Variants in CNGB3 observed in about 807,000 individuals in gnomAD.
The protein encoded by CNGB3 is cyclic nucleotide-gated channel beta-3.
Under a neutral mutation model 92.8 loss-of-function variants are expected in CNGB3, and 86 were observed. That is an observed-to-expected ratio of 0.93 (90% CI 0.78 to 1.11). The LOEUF is 1.11. Ranked by LOEUF, CNGB3 falls within the 50% of genes least tolerant of loss-of-function variation. The pLI is 0.00. For missense variants in CNGB3, 1,026 were observed against 956.8 expected (o/e 1.07, Z -0.95); for synonymous variants, 333 against 332.7 (o/e 1.00, Z -0.01).
chr8:86,592,312 A>G (rs1197402978), intron 15 of CNGB3, among the ~76,000 whole-genome samples: 2 of 152,218 alleles, frequency 1.3e-5, no homozygotes, highest in Non-Finnish European at 2.9e-5. Flanking sequence ...TGCGTCGCTC[A>G]GGCTGGGAGC....
At chr8:86,622,003 G>T (rs927456839) in intron 13 of CNGB3, among the ~76,000 whole-genome samples, 2 of 152,160 alleles carry the variant, frequency 1.3e-5, no homozygotes. Context: ...CCGAGATTGT[G>T]CCACTGCACT....
chr8:86,627,988 C>T (rs1247087006), intron 12 of CNGB3, among the ~76,000 whole-genome samples: 2 of 152,156 alleles, frequency 1.3e-5, no homozygotes, highest in Non-Finnish European at 1.5e-5. Context: ...CACTTAATTA[C>T]TAGTAAGTAT....
intron 1 of CNGB3, among the ~76,000 whole-genome samples, chr8:86,742,171 T>C (rs1008569571): frequency 1.5e-4 from 23 of 152,312 alleles, no homozygotes; most frequent in African/African-American, 5.5e-4. Context: ...ATTAACGGTT[T>C]TTATGTGCTC....
chr8:86,732,753 C>G (rs1341834934), intron 2 of CNGB3, among the ~76,000 whole-genome samples: 1 of 152,102 alleles, frequency 6.6e-6, no homozygotes, highest in African/African-American at 2.4e-5. Flanking sequence ...AATGTCATAC[C>G]AACTTTATTC....
At chr8:86,715,838 G>C (rs1586033220) in intron 3 of CNGB3, among the ~76,000 whole-genome samples, 1 of 108,944 alleles carries the variant, frequency 9.2e-6, no homozygotes, top group South Asian at 4.0e-4. Context: ...GGTGGGGGGA[G>C]GGGGGAGGGA....
intron 3 of CNGB3, among the ~76,000 whole-genome samples, chr8:86,673,655 T>C (rs955711559): frequency 2.0e-5 from 3 of 152,226 alleles, no homozygotes; most frequent in African/African-American, 7.2e-5. Flanking sequence ...TGAGCTGTAC[T>C]GGAGCTTTTG....
chr8:86,648,531 A>C (rs1489676863), intron 7 of CNGB3, among the ~76,000 whole-genome samples: 1 of 151,298 alleles, frequency 6.6e-6, no homozygotes, highest in Non-Finnish European at 1.5e-5. Flanking sequence ...ATTATAGCTA[A>C]GAAATTTTCA....
intron 15 of CNGB3, among the ~76,000 whole-genome samples, chr8:86,581,133 A>G (rs966284477): frequency 1.2e-4 from 19 of 152,206 alleles, no homozygotes; most frequent in Non-Finnish European, 2.4e-4. Flanking sequence ...AAGCTGCACA[A>G]TTGAAAAATT....
At chr8:86,697,838 G>C (rs1227583344) in intron 3 of CNGB3, among the ~76,000 whole-genome samples, 2 of 143,530 alleles carry the variant, frequency 1.4e-5, no homozygotes, top group Non-Finnish European at 3.0e-5. Context: ...TCCCCACCCT[G>C]TGTCCTAGTG....
At chr8:86,656,383 T>A (rs114722785) in intron 6 of CNGB3, among the ~76,000 whole-genome samples, 278 of 152,352 alleles carry the variant, frequency 1.8e-3, no homozygotes, top group African/African-American at 6.4e-3. Flanking sequence ...TGAATAAATG[T>A]AAATGCAACT....
chr8:86,660,078 C>A, intron 6 of CNGB3: 1 of 324,782 alleles, frequency 3.1e-6, no homozygotes, highest in South Asian at 3.0e-5. Flanking sequence ...AACATGGTGT[C>A]ATGAGCAGAC....
chr8:86,646,486 T>C (rs558496274), intron 8 of CNGB3, among the ~76,000 whole-genome samples: 4 of 151,314 alleles, frequency 2.6e-5, no homozygotes, highest in Admixed American at 2.0e-4. Context: ...GGACAGATTT[T>C]TCCGCCATGC....
intron 1 of CNGB3, among the ~76,000 whole-genome samples, chr8:86,742,518 C>T (rs149996300): frequency 2.8e-4 from 42 of 152,090 alleles, no homozygotes; most frequent in Admixed American, 1.1e-3. Flanking sequence ...CATTTAAACC[C>T]GAACCATTGG....
intron 3 of CNGB3, among the ~76,000 whole-genome samples, chr8:86,675,562 T>G (rs2131622836): frequency 6.6e-6 from 1 of 152,130 alleles, no homozygotes; most frequent in East Asian, 1.9e-4. Flanking sequence ...AAAAGGTGTG[T>G]GCCATCATGC....
At chr8:86,679,989 T>C (rs1370209274) in intron 3 of CNGB3, among the ~76,000 whole-genome samples, 1 of 152,202 alleles carries the variant, frequency 6.6e-6, no homozygotes, top group African/African-American at 2.4e-5. Context: ...TGACAGCACC[T>C]TGATCTTGGA....
intron 13 of CNGB3, among the ~76,000 whole-genome samples, chr8:86,614,434 G>C (rs1007599052): frequency 1.3e-5 from 2 of 152,042 alleles, no homozygotes; most frequent in Admixed American, 1.3e-4. Flanking sequence ...TCCCAAAAAG[G>C]CTTTGGCCCA....
chr8:86,629,127 A>T, intron 11 of CNGB3, 49 bp from the exon 12 acceptor site: 2 of 1,598,154 alleles, frequency 1.3e-6, no homozygotes, highest in Non-Finnish European at 1.7e-6. Flanking sequence ...GAAATGAGTT[A>T]ATAAAAGTCA....
At chr8:86,720,834 A>G (rs1248004906) in intron 3 of CNGB3, among the ~76,000 whole-genome samples, 2 of 61,526 alleles carry the variant, frequency 3.3e-5, no homozygotes, top group African/African-American at 7.8e-5. Context: ...ATATATATAT[A>G]TGTATACACA....
chr8:86,575,558 A>G lies in CNGB3; in HGVS notation c.*246T>C. On this transcript the variant is annotated 3_prime_UTR_variant, in exon 18 of 18. Coordinates refer to ENST00000320005, the MANE Select transcript of CNGB3 (RefSeq NM_019098.5). ...CAAAGGAAAAGGAAACTTACTACATACAATTAGAAGATATAGCAATTGCAT... is the reference window on the plus strand; with the variant it reads ...CAAAGGAAAAGGAAACTTACTACATGCAATTAGAAGATATAGCAATTGCAT... 1 of 401,760 alleles carries G rather than the reference A, an allele frequency of 2.5e-6. No individual in the cohort carries two copies. Among genetic ancestry groups the G allele is most frequent in the Non-Finnish European group, 4.4e-6 (1 of 227,006 alleles). The allele number at this position is 401,760 out of a possible 1,614,324, so 24.9% of individuals were successfully genotyped here.
Sources: allele counts gnomAD v4.1 joint callset (sites outside exome capture counted in the v4.1 genomes callset), GRCh38; gene constraint gnomAD v4.1.1; transcripts MANE v1.5; gene names NCBI Gene and HGNC (gene_info 2026-07-23, HGNC 2026-07-21).